ENTREP2: variants seen among roughly 807,000 people sequenced by gnomAD.
ENTREP2 encodes protein ENTREP2.
chr15:29,163,303 C>T, the ENTREP2 span, among the ~76,000 whole-genome samples: 3 of 152,128 alleles, frequency 2.0e-5, no homozygotes, highest in South Asian at 4.2e-4. Context: ...ATGGATCCAA[C>T]CCAAGAAGAA....
chr15:29,599,909 G>A, the ENTREP2 span, among the ~76,000 whole-genome samples: 1 of 152,166 alleles, frequency 6.6e-6, no homozygotes, highest in Admixed American at 6.5e-5. Flanking sequence ...CAGCTCTCCA[G>A]GTGCCTCAGC....
the ENTREP2 span, among the ~76,000 whole-genome samples, chr15:29,594,106 A>C: frequency 1.3e-5 from 2 of 152,190 alleles, no homozygotes; most frequent in African/African-American, 4.8e-5. Context: ...AAAGGTTTAA[A>C]AAAAAAGGAA....
At chr15:29,653,301 TTTTC>T in the ENTREP2 span, among the ~76,000 whole-genome samples, 7 of 152,174 alleles carry the variant, frequency 4.6e-5, no homozygotes, top group Non-Finnish European at 1.0e-4. Flanking sequence ...ACAAATTTTC[TTTTC>T]TTTCTTTTTT....
the ENTREP2 span, among the ~76,000 whole-genome samples, chr15:29,350,466 T>C: frequency 6.6e-6 from 1 of 152,238 alleles, no homozygotes; most frequent in Non-Finnish European, 1.5e-5. Flanking sequence ...ATCCATTTCG[T>C]TACTTTTCCT....
the ENTREP2 span, among the ~76,000 whole-genome samples, chr15:29,144,900 T>A: frequency 1.3e-5 from 2 of 151,044 alleles, no homozygotes; most frequent in East Asian, 3.9e-4. Context: ...AATAAAAAAA[T>A]AAAAAATTAG....
the ENTREP2 span, chr15:29,268,715 C>G: frequency 2.0e-6 from 3 of 1,464,548 alleles, no homozygotes; most frequent in African/African-American, 4.2e-5. Flanking sequence ...TGGGTTCGTT[C>G]TCCCTTCCCC....
chr15:29,658,143 G>A, the ENTREP2 span, among the ~76,000 whole-genome samples: 1 of 152,150 alleles, frequency 6.6e-6, no homozygotes, highest in South Asian at 2.1e-4. Context: ...GGGACCAGGT[G>A]GAGATAATTG....
At chr15:29,187,132 G>A in the ENTREP2 span, among the ~76,000 whole-genome samples, 3 of 152,050 alleles carry the variant, frequency 2.0e-5, no homozygotes, top group Admixed American at 6.5e-5. Flanking sequence ...AACTGCATCC[G>A]TCATCCTACT....
chr15:29,432,953 C>T, the ENTREP2 span, among the ~76,000 whole-genome samples: 3 of 152,222 alleles, frequency 2.0e-5, no homozygotes, highest in Non-Finnish European at 4.4e-5. Flanking sequence ...ACCTGCTCAT[C>T]GCACGCCCAC....
At chr15:29,337,036 T>A in the ENTREP2 span, among the ~76,000 whole-genome samples, 1 of 152,150 alleles carries the variant, frequency 6.6e-6, no homozygotes, top group African/African-American at 2.4e-5. Context: ...AGGCTGTTCA[T>A]TTGTTTGATG....
chr15:29,506,288 T>C, the ENTREP2 span, among the ~76,000 whole-genome samples: 1 of 152,184 alleles, frequency 6.6e-6, no homozygotes, highest in South Asian at 2.1e-4. Flanking sequence ...TTGATTGGTG[T>C]ACCTAAAAGT....
chr15:29,357,083 A>G, the ENTREP2 span, among the ~76,000 whole-genome samples: 1 of 152,230 alleles, frequency 6.6e-6, no homozygotes, highest in Non-Finnish European at 1.5e-5. Flanking sequence ...TGGGCACTGC[A>G]GGTCATGGTA....
the ENTREP2 span, among the ~76,000 whole-genome samples, chr15:29,604,540 A>ATGT: frequency 6.6e-6 from 1 of 152,246 alleles, no homozygotes; most frequent in African/African-American, 2.4e-5. Flanking sequence ...CAAGGTAATT[A>ATGT]TAAATCCCTG....
the ENTREP2 span, among the ~76,000 whole-genome samples, chr15:29,344,943 C>G: frequency 6.7e-6 from 1 of 150,260 alleles, no homozygotes; most frequent in African/African-American, 2.5e-5. Context: ...CACACACACA[C>G]ACACACACAC....
chr15:29,572,055 CGTTA>C, the ENTREP2 span, among the ~76,000 whole-genome samples: 1 of 152,084 alleles, frequency 6.6e-6, no homozygotes, highest in Non-Finnish European at 1.5e-5. Context: ...GAAATTTCAC[CGTTA>C]GAGATATTGA....
chr15:29,581,157 G>C, the ENTREP2 span, among the ~76,000 whole-genome samples: 1 of 152,088 alleles, frequency 6.6e-6, no homozygotes, highest in Non-Finnish European at 1.5e-5. Flanking sequence ...ATGATTTAGT[G>C]ATGTAAGTGT....
the ENTREP2 span, among the ~76,000 whole-genome samples, chr15:29,160,605 A>G: frequency 6.7e-6 from 1 of 149,018 alleles, no homozygotes; most frequent in African/African-American, 2.5e-5. Flanking sequence ...GCTACTCAGG[A>G]GGCTGAGGCA....
chr15:29,133,893 C>A, the ENTREP2 span, among the ~76,000 whole-genome samples: 3 of 151,920 alleles, frequency 2.0e-5, no homozygotes, highest in Admixed American at 2.0e-4. Flanking sequence ...AGACTCTTTA[C>A]GGACGACCTT....
chr15:29,598,165 G>A, the ENTREP2 span, among the ~76,000 whole-genome samples: 2,998 of 152,086 alleles, frequency 0.02, 95 homozygotes, highest in African/African-American at 0.069. Context: ...GTAAGAAAGC[G>A]CAAATTCTCT....
Sources: gnomAD v4.1 joint callset for allele counts (sites outside exome capture counted in the v4.1 genomes callset) on GRCh38, gnomAD v4.1.1 for gene constraint, MANE v1.5 for transcripts, NCBI Gene and HGNC (gene_info 2026-07-23, HGNC 2026-07-21) for gene names.